Variants in RTF1 observed in about 807,000 individuals in gnomAD.
RTF1 encodes RTF1 homolog, Paf1/RNA polymerase II complex component, also known as RNA polymerase-associated protein RTF1 homolog.
A neutral mutation model predicts 95.7 loss-of-function variants in RTF1; 10 were observed. The ratio of observed to expected loss-of-function variants is 0.10; its 90% confidence interval spans 0.06 to 0.18. The LOEUF (loss-of-function observed/expected upper bound fraction) is 0.18, where lower values mean the gene tolerates loss of function less well. RTF1 is among the 10% of genes least tolerant of loss of function. RTF1 has a pLI of 1.00. For missense variants in RTF1, 458 were observed against 875.6 expected (o/e 0.52, Z 6.02); for synonymous variants, 305 against 311.8 (o/e 0.98, Z 0.23).
chr15:41,467,714 TA>T (rs958010230), intron 6 of RTF1, among the ~76,000 whole-genome samples: 5 of 144,880 alleles, frequency 3.5e-5, no homozygotes, highest in African/African-American at 7.6e-5. Context: ...GACTCAATCT[TA>T]AAAAAAAAAC....
At chr15:41,465,448 C>T (rs1373683285) in intron 5 of RTF1, among the ~76,000 whole-genome samples, 1 of 152,166 alleles carries the variant, frequency 6.6e-6, no homozygotes, top group African/African-American at 2.4e-5. Flanking sequence ...TGAGACCAGC[C>T]TGGCCAACGT....
chr15:41,423,995 C>T (rs1481788154), intron 1 of RTF1, among the ~76,000 whole-genome samples: 1 of 152,164 alleles, frequency 6.6e-6, no homozygotes, highest in African/African-American at 2.4e-5. Context: ...TCAAGTGATC[C>T]GCCCTCCTTG....
At chr15:41,418,172 T>G (rs1348328507) in intron 1 of RTF1, among the ~76,000 whole-genome samples, 1 of 152,200 alleles carries the variant, frequency 6.6e-6, no homozygotes, top group Non-Finnish European at 1.5e-5. Context: ...CTGCTCTTTG[T>G]AGCAGTGCTC....
Position 41,482,828 on chromosome 15 carries a change from G to T in RTF1, c.*2141G>T, listed in dbSNP as rs542113872. The T allele has an allele frequency of 3.9e-3, 592 of 151,426 alleles. 3 individuals carry two copies. The highest frequency in any genetic ancestry group is 4.1e-3 in the Non-Finnish European group (276 of 67,772). The allele number at this position is 151,426 out of a possible 1,614,324, so 9.4% of individuals were successfully genotyped here. On this transcript the variant is annotated 3_prime_UTR_variant, in exon 18 of 18. Transcript: ENST00000389629. ...ATGATGAACTTGGACTTTTTTTTTT[G>T]ATTTCTGGTTTTAAAAAACATAAAA... is the stretch of plus-strand genomic sequence containing the variant.
chr15:41,437,939 A>AT (rs1371198709), intron 1 of RTF1, among the ~76,000 whole-genome samples: 1 of 152,208 alleles, frequency 6.6e-6, no homozygotes. Context: ...CAATTTTACC[A>AT]TTAAAATACT....
intron 1 of RTF1, among the ~76,000 whole-genome samples, chr15:41,433,326 C>T (rs1399196802): frequency 6.6e-6 from 1 of 152,124 alleles, no homozygotes; most frequent in African/African-American, 2.4e-5. Flanking sequence ...GAAGAGATTA[C>T]TTACCAGAAG....
chr15:41,478,865 C>T, intron 15 of RTF1: 1 of 602,900 alleles, frequency 1.7e-6, no homozygotes, highest in Non-Finnish European at 2.9e-6. Flanking sequence ...GGTGGGTTTA[C>T]AGTGCAGCAG....
chr15:41,464,624 A>C (rs1009204888), intron 4 of RTF1, 147 bp from the exon 5 acceptor site: 1 of 479,282 alleles, frequency 2.1e-6, no homozygotes, highest in Non-Finnish European at 3.7e-6. Flanking sequence ...AATATTTTTA[A>C]TGTACTTAAA....
At chr15:41,450,546 C>G (rs1035208121) in intron 2 of RTF1, among the ~76,000 whole-genome samples, 22 of 150,612 alleles carry the variant, frequency 1.5e-4, no homozygotes, top group African/African-American at 5.4e-4. Context: ...GATTGCACCA[C>G]TGCACTCCAG....
chr15:41,482,481 C>G lies in RTF1; in HGVS notation c.*1794C>G, dbSNP rs2050982609. 6.6e-6 allele frequency: 1 copy of G among 152,352 alleles called. No individual in the cohort carries two copies. The highest frequency in any genetic ancestry group is 2.4e-5 in the African/African-American group (1 of 41,432). 9.4% of individuals were successfully genotyped at this position (152,352 alleles called of 1,614,324 possible). A position where few individuals can be genotyped will look rare whatever the true frequency, so the allele number is the denominator to read the frequency against. ...AGTTGTATTTAAACATAAAAATGAACTTGGTAACTTCTGGGTTTAGTAGAG... is the reference window on the plus strand; with the variant it reads ...AGTTGTATTTAAACATAAAAATGAAGTTGGTAACTTCTGGGTTTAGTAGAG... On this transcript the variant is annotated 3_prime_UTR_variant, in exon 18 of 18. Transcript: ENST00000389629.
At chr15:41,422,919 G>A (rs1320353842) in intron 1 of RTF1, among the ~76,000 whole-genome samples, 1 of 151,914 alleles carries the variant, frequency 6.6e-6, no homozygotes, top group Non-Finnish European at 1.5e-5. Flanking sequence ...GATTACAGGC[G>A]CACGCCACCA....
intron 2 of RTF1, among the ~76,000 whole-genome samples, chr15:41,442,356 A>C (rs1364534435): frequency 6.6e-6 from 1 of 151,546 alleles, no homozygotes; most frequent in Non-Finnish European, 1.5e-5. Flanking sequence ...TTTAATAGAG[A>C]CGGGGTTTTA....
chr15:41,476,303 C>G (rs1481512378), intron 11 of RTF1, 143 bp from the exon 12 acceptor site: 2 of 660,470 alleles, frequency 3.0e-6, no homozygotes, highest in African/African-American at 1.8e-5. Flanking sequence ...TGAACCCGCT[C>G]TCTCTCTCTC....
chr15:41,469,368 T>C (rs572384698), intron 6 of RTF1, among the ~76,000 whole-genome samples: 89 of 152,040 alleles, frequency 5.9e-4, no homozygotes, highest in African/African-American at 2.1e-3. Context: ...CTTTTTTTTT[T>C]AGCCACCACT....
intron 17 of RTF1, 86 bp from the exon 18 acceptor site, chr15:41,480,495 G>A (rs316607): frequency 0.23 from 244,240 of 1,084,028 alleles, 30,595 homozygotes; most frequent in Non-Finnish European, 0.26. Context: ...CAGGGCCACA[G>A]TCAGGAGGCT....
chr15:41,452,050 A>G (rs755588340), intron 2 of RTF1, among the ~76,000 whole-genome samples: 91 of 152,108 alleles, frequency 6.0e-4, no homozygotes, highest in Non-Finnish European at 9.7e-4. Context: ...AAGAAAAAAT[A>G]ATAATTAAAT....
At chr15:41,436,285 A>G (rs1268901799) in intron 1 of RTF1, among the ~76,000 whole-genome samples, 1 of 140,610 alleles carries the variant, frequency 7.1e-6, no homozygotes, top group African/African-American at 2.6e-5. Flanking sequence ...TCCCGTCTCT[A>G]CTAAAAAAAA....
chr15:41,475,699 G>A lies in RTF1; in HGVS notation c.1375-13G>A. ...TCCCTTACTAATAATCTCGTATCGT[G>A]TTTTTGATCCAGATGTTCTCTGCTG... On this transcript the variant is annotated splice_polypyrimidine_tract_variant and intron_variant, in intron 10 of 17. Transcript: ENST00000389629. 3.1e-6 allele frequency: 5 copies of A among 1,605,466 alleles called. No individual in the cohort carries two copies. The highest frequency in any genetic ancestry group is 4.3e-6 in the Non-Finnish European group (5 of 1,172,418).
At chr15:41,432,651 A>T (rs2050681210) in intron 1 of RTF1, among the ~76,000 whole-genome samples, 1 of 151,932 alleles carries the variant, frequency 6.6e-6, no homozygotes, top group Non-Finnish European at 1.5e-5. Flanking sequence ...TAAAACAGGC[A>T]TACTAGGCTG....
Sources: allele counts gnomAD v4.1 joint callset (sites outside exome capture counted in the v4.1 genomes callset), GRCh38; gene constraint gnomAD v4.1.1; transcripts MANE v1.5; gene names NCBI Gene and HGNC (gene_info 2026-07-23, HGNC 2026-07-21).